B3GALT1: variants seen among roughly 807,000 people sequenced by gnomAD.
B3GALT1 encodes the protein UDP-Gal:betaGlcNAc beta 1,3-galactosyltransferase, polypeptide 1.
B3GALT1 carries 10 observed loss-of-function variants against 23.2 expected under a neutral mutation model. The observed-to-expected ratio is 0.43, with a 90% CI of 0.27 to 0.73. The LOEUF is 0.73. Among genes scored for constraint, B3GALT1 ranks in the 30% least tolerant of loss-of-function variants. The probability of loss-of-function intolerance (pLI) is 0.21; values close to 1 mark genes in which losing one functional copy is unlikely to be tolerated. For synonymous variants in B3GALT1, 156 were observed against 141.5 expected, an observed-to-expected ratio of 1.10 and a Z score of -0.73; for missense variants, 299 against 405.4, an observed-to-expected ratio of 0.74 and a Z score of 2.25.
At chr2:167,514,402 A>T (rs1027152306) in intron 2 of B3GALT1, among the ~76,000 whole-genome samples, 1 of 152,170 alleles carries the variant, frequency 6.6e-6, no homozygotes, top group Non-Finnish European at 1.5e-5. Flanking sequence ...ACATTAGATG[A>T]TTGTCAGACA....
At chr2:167,679,159 C>G (rs556829025) in intron 3 of B3GALT1, among the ~76,000 whole-genome samples, 2 of 151,816 alleles carry the variant, frequency 1.3e-5, no homozygotes, top group East Asian at 3.9e-4. Flanking sequence ...TCTTGTCACC[C>G]AGGCTGGAGT....
At chr2:167,809,577 C>T (rs986130581) in intron 3 of B3GALT1, among the ~76,000 whole-genome samples, 2 of 152,200 alleles carry the variant, frequency 1.3e-5, no homozygotes, top group African/African-American at 4.8e-5. Flanking sequence ...TGGGTATCAG[C>T]AGCAGAGGCT....
intron 3 of B3GALT1, among the ~76,000 whole-genome samples, chr2:167,785,789 G>A (rs1288458903): frequency 6.6e-6 from 1 of 152,138 alleles, no homozygotes; most frequent in Non-Finnish European, 1.5e-5. Flanking sequence ...CCCTCTGTGT[G>A]GCTTCTCCTC....
intron 1 of B3GALT1, among the ~76,000 whole-genome samples, chr2:167,392,195 C>A (rs1465697600): frequency 2.6e-5 from 4 of 151,914 alleles, no homozygotes; most frequent in Non-Finnish European, 5.9e-5. Flanking sequence ...CCAAATTATT[C>A]TTTTAAATCG....
intron 2 of B3GALT1, among the ~76,000 whole-genome samples, chr2:167,564,000 G>T (rs1426369825): frequency 1.4e-5 from 2 of 147,516 alleles, no homozygotes; most frequent in Non-Finnish European, 3.0e-5. Flanking sequence ...CGGACGGGGG[G>T]CCGACCCTCC....
intron 1 of B3GALT1, among the ~76,000 whole-genome samples, chr2:167,297,971 T>C (rs566437094): frequency 2.6e-5 from 4 of 152,260 alleles, no homozygotes; most frequent in African/African-American, 9.6e-5. Flanking sequence ...CAACTCAGTA[T>C]TTTATTTCTC....
At chr2:167,715,268 G>T (rs1239229255) in intron 3 of B3GALT1, 1 of 1,613,828 alleles carries the variant, frequency 6.2e-7, no homozygotes, top group African/African-American at 1.3e-5. Flanking sequence ...TCCAGTCAGG[G>T]TCTTGATGTG....
intron 2 of B3GALT1, among the ~76,000 whole-genome samples, chr2:167,613,586 T>A (rs1284731863): frequency 6.6e-6 from 1 of 151,706 alleles, no homozygotes; most frequent in Admixed American, 6.6e-5. Flanking sequence ...AATTTTTAAA[T>A]TAATGGATGC....
At chr2:167,394,523 C>T (rs947968661) in intron 1 of B3GALT1, among the ~76,000 whole-genome samples, 2 of 151,912 alleles carry the variant, frequency 1.3e-5, no homozygotes, top group Non-Finnish European at 2.9e-5. Flanking sequence ...TGATGCAACC[C>T]TAATAAAGGG....
chr2:167,374,131 T>A lies in B3GALT1; in HGVS notation c.-511+80797T>A, dbSNP rs1470062138. Reference sequence around the variant, plus strand: ...CATGCAGTGTTTGGTCTTCTGTTCCTGTATTAATTTGCTTAGGATAATTGT... The same window carrying A: ...CATGCAGTGTTTGGTCTTCTGTTCCAGTATTAATTTGCTTAGGATAATTGT... On this transcript the variant is annotated intron_variant, in intron 1 of 4. Transcript: ENST00000392690. Among the ~76,000 whole-genome samples the A allele has an allele frequency of 3.9e-5, 6 of 152,204 alleles. No homozygotes were observed. The East Asian group carries it at 1.2e-3, about 29-fold the overall frequency.
chr2:167,368,805 C>CT (rs1465114693), intron 1 of B3GALT1, among the ~76,000 whole-genome samples: 1 of 152,138 alleles, frequency 6.6e-6, no homozygotes, highest in Non-Finnish European at 1.5e-5. Context: ...TGTCCATGCT[C>CT]TTTTGAATCT....
rs561351250 is a variant in B3GALT1 at position 167,502,999 on chromosome 2, A to G, written c.-410+12722A>G. Among the ~76,000 whole-genome samples the G allele has an allele frequency of 4.1e-4, 62 of 152,292 alleles. 1 individual carries two copies. The highest frequency in any genetic ancestry group is 6.8e-3 in the Middle Eastern group (2 of 294). On this transcript the variant is annotated intron_variant, in intron 2 of 4. Transcript: ENST00000392690. ...GGTTGCAGTGAGCCGAGATCACGGC[A>G]TTGTACTCCAGCCTGGGTGACAAGA...
intron 2 of B3GALT1, among the ~76,000 whole-genome samples, chr2:167,566,108 T>C (rs1487186648): frequency 8.5e-5 from 13 of 152,102 alleles, no homozygotes; most frequent in East Asian, 5.8e-4. Context: ...ACCCAAATGT[T>C]CAACAATGAT....
At chr2:167,521,984 GTATATA>G (rs550521896) in intron 2 of B3GALT1, among the ~76,000 whole-genome samples, 5,233 of 122,600 alleles carry the variant, frequency 0.043, 194 homozygotes, top group African/African-American at 0.11. Context: ...GTGTGTGTGT[GTATATA>G]TATATATATA....
chr2:167,737,754 A>G (rs970672163), intron 3 of B3GALT1, among the ~76,000 whole-genome samples: 2 of 152,234 alleles, frequency 1.3e-5, no homozygotes, highest in Non-Finnish European at 2.9e-5. Context: ...TCATGAATCC[A>G]AGGAGTAGAG....
At chr2:167,568,854 A>G (rs1437728846) in intron 2 of B3GALT1, among the ~76,000 whole-genome samples, 1 of 151,634 alleles carries the variant, frequency 6.6e-6, no homozygotes, top group Non-Finnish European at 1.5e-5. Context: ...GAGGATTTTT[A>G]TAGTTTTATG....
chr2:167,409,016 A>G (rs1377905494), intron 1 of B3GALT1, among the ~76,000 whole-genome samples: 6 of 152,204 alleles, frequency 3.9e-5, no homozygotes, highest in Non-Finnish European at 8.8e-5. Context: ...AAATAGAAAA[A>G]GAAACTCCTA....
intron 1 of B3GALT1, among the ~76,000 whole-genome samples, chr2:167,364,023 G>T (rs530905275): frequency 6.6e-6 from 1 of 151,942 alleles, no homozygotes; most frequent in South Asian, 2.1e-4. Flanking sequence ...AATTAGCCAG[G>T]CATGGCGGCT....
chr2:167,298,975 A>T (rs1044147508), intron 1 of B3GALT1, among the ~76,000 whole-genome samples: 4 of 152,168 alleles, frequency 2.6e-5, no homozygotes, highest in African/African-American at 9.6e-5. Flanking sequence ...TTCTCAAAGA[A>T]AAGAAAAAAA....
Sources: allele counts gnomAD v4.1 joint callset (sites outside exome capture counted in the v4.1 genomes callset), GRCh38; gene constraint gnomAD v4.1.1; transcripts MANE v1.5; gene names NCBI Gene and HGNC (gene_info 2026-07-23, HGNC 2026-07-21).